The following LHFPL6 variants were observed in gnomAD, a reference collection of about 807,000 sequenced individuals.
LHFPL6 encodes LHFPL tetraspan subfamily member 6 protein.
A neutral mutation model predicts 20.6 loss-of-function variants in LHFPL6; 9 were observed. That is an observed-to-expected ratio of 0.44 (90% CI 0.26 to 0.76). The LOEUF is 0.76. Among genes scored for constraint, LHFPL6 ranks in the 30% least tolerant of loss-of-function variants. The pLI, the probability that LHFPL6 is intolerant of heterozygous loss-of-function variation, is 0.20. For synonymous variants in LHFPL6, 105 were observed against 98.7 expected, an observed-to-expected ratio of 1.06 and a Z score of -0.38; for missense variants, 218 against 253.5, an observed-to-expected ratio of 0.86 and a Z score of 0.95.
At chr13:39,522,353 C>G (rs1210038522) in intron 2 of LHFPL6, among the ~76,000 whole-genome samples, 1 of 152,216 alleles carries the variant, frequency 6.6e-6, no homozygotes, top group Non-Finnish European at 1.5e-5. Flanking sequence ...GATTTAAACT[C>G]GCGTAGTCTG....
At chr13:39,413,597 TTTTTC>T in intron 2 of LHFPL6, among the ~76,000 whole-genome samples, 1 of 38,870 alleles carries the variant, frequency 2.6e-5, no homozygotes, top group East Asian at 4.8e-4. Context: ...TTTTTTTTTT[TTTTTC>T]TTTAAGTAAG....
At chr13:39,507,958 C>CT (rs763140195) in intron 2 of LHFPL6, among the ~76,000 whole-genome samples, 1 of 135,118 alleles carries the variant, frequency 7.4e-6, no homozygotes, top group African/African-American at 2.7e-5. Flanking sequence ...CCTTCCTTCC[C>CT]TTTTTTTCTC....
At position 39,446,604 on chromosome 13, in the gene LHFPL6, G is replaced by A. The variant is rs150369382; in HGVS notation, c.386-68078C>T. Among the ~76,000 whole-genome samples, 8 of 152,106 alleles carry A rather than the reference G, an allele frequency of 5.3e-5. No homozygotes were observed. In the East Asian group the frequency reaches 5.8e-4, roughly 11 times the overall value. ...AATCAACGTCGTATCTGAGGATCTC[G>A]GTGATCCTCATAGCTTCCCTATGAG... On this transcript the variant is annotated intron_variant, in intron 2 of 3. Coordinates refer to ENST00000379589, the MANE Select transcript of LHFPL6 (RefSeq NM_005780.3).
chr13:39,489,853 C>T (rs1294246244), intron 2 of LHFPL6, among the ~76,000 whole-genome samples: 1 of 152,142 alleles, frequency 6.6e-6, no homozygotes, highest in African/African-American at 2.4e-5. Context: ...CCATGCCTGG[C>T]CTGGCTTTTT....
chr13:39,385,559 T>C (rs975577128), intron 2 of LHFPL6, among the ~76,000 whole-genome samples: 6 of 152,246 alleles, frequency 3.9e-5, no homozygotes, highest in Admixed American at 2.0e-4. Context: ...GTAGAAACTC[T>C]TCGATTTCAC....
At chr13:39,497,536 C>A (rs547277259) in intron 2 of LHFPL6, among the ~76,000 whole-genome samples, 1 of 152,264 alleles carries the variant, frequency 6.6e-6, no homozygotes, top group South Asian at 2.1e-4. Context: ...TAAAAACACT[C>A]GGCTAACATT....
chr13:39,391,273 A>G (rs1870702477), intron 2 of LHFPL6, among the ~76,000 whole-genome samples: 1 of 152,194 alleles, frequency 6.6e-6, no homozygotes, highest in Non-Finnish European at 1.5e-5. Context: ...ACCACAGCAA[A>G]CCAAACACCC....
At chr13:39,557,349 T>C (rs931661135) in intron 2 of LHFPL6, among the ~76,000 whole-genome samples, 1 of 152,206 alleles carries the variant, frequency 6.6e-6, no homozygotes, top group African/African-American at 2.4e-5. Flanking sequence ...TGTAGGCCTA[T>C]GGAATGCAAG....
chr13:39,453,956 G>A (rs1049588464), intron 2 of LHFPL6, among the ~76,000 whole-genome samples: 6 of 152,176 alleles, frequency 3.9e-5, no homozygotes, highest in Non-Finnish European at 7.3e-5. Context: ...GGTTTTGAGT[G>A]TATACGTGGA....
Position 39,529,367 on chromosome 13 carries a change from C to T in LHFPL6, c.385+71465G>A, listed in dbSNP as rs1017726097. 9.2e-5 allele frequency among the ~76,000 whole-genome samples: 14 copies of T among 152,168 alleles called. No individual in the cohort carries two copies. In the East Asian group the frequency reaches 2.5e-3, roughly 27 times the overall value. ...TTGGCCTCCCAAAGTGCTGGGATTACAGGCATGAGCCATCACACCTGGCCC... is the reference window on the plus strand; with the variant it reads ...TTGGCCTCCCAAAGTGCTGGGATTATAGGCATGAGCCATCACACCTGGCCC... On this transcript the variant is annotated intron_variant, in intron 2 of 3. Coordinates refer to ENST00000379589, the MANE Select transcript of LHFPL6 (RefSeq NM_005780.3).
chr13:39,580,846 T>C (rs1284744687), intron 2 of LHFPL6, among the ~76,000 whole-genome samples: 1 of 152,244 alleles, frequency 6.6e-6, no homozygotes, highest in Non-Finnish European at 1.5e-5. Context: ...AGGAAACTGA[T>C]GAACAGCAGA....
chr13:39,345,535 A>AAAAAAAAAAAAAAAAAAAAAAAAAAAAAC, intron 3 of LHFPL6, among the ~76,000 whole-genome samples: 1 of 147,472 alleles, frequency 6.8e-6, no homozygotes, highest in Non-Finnish European at 1.5e-5. Context: ...AAAAAAAAAA[A>AAAAAAAAAAAAAAAAAAAAAAAAAAAAAC]AAAAAGAAAG....
At chr13:39,351,172 C>T (rs186381494) in intron 3 of LHFPL6, among the ~76,000 whole-genome samples, 2 of 152,252 alleles carry the variant, frequency 1.3e-5, no homozygotes, top group East Asian at 1.9e-4. Flanking sequence ...GGATATCAGA[C>T]GTTATACTTG....
chr13:39,599,294 G>A (rs902276257), intron 2 of LHFPL6, among the ~76,000 whole-genome samples: 4 of 152,184 alleles, frequency 2.6e-5, no homozygotes, highest in Admixed American at 6.5e-5. Flanking sequence ...ACAAACAGCA[G>A]ACCAACTTTA....
intron 2 of LHFPL6, among the ~76,000 whole-genome samples, chr13:39,413,717 T>C (rs531969303): frequency 5.3e-5 from 8 of 152,056 alleles, no homozygotes; most frequent in South Asian, 2.1e-4. Flanking sequence ...CAAGTGTACA[T>C]ATAAGGTCAG....
At position 39,520,876 on chromosome 13, in the gene LHFPL6, G is replaced by A. The variant is rs535339376; in HGVS notation, c.385+79956C>T. ...AGAATCTCTGGGTGTGGGTCTGGAC[G>A]TTGGTATTTTTCCAGTGCCCAAGGT... On this transcript the variant is annotated intron_variant, in intron 2 of 3. Coordinates refer to ENST00000379589, the MANE Select transcript of LHFPL6 (RefSeq NM_005780.3). 2.5e-4 allele frequency among the ~76,000 whole-genome samples: 38 copies of A among 152,242 alleles called. 1 individual carries two copies. In the South Asian group the frequency reaches 7.3e-3, roughly 29 times the overall value.
At position 39,536,211 on chromosome 13, in the gene LHFPL6, T is replaced by G. The variant is rs890187470; in HGVS notation, c.385+64621A>C. 2.0e-5 allele frequency among the ~76,000 whole-genome samples: 3 copies of G among 152,298 alleles called. No individual in the cohort carries two copies. In the East Asian group the frequency reaches 5.8e-4, roughly 29 times the overall value. Reference sequence around the variant, plus strand: ...AATGTACATTGCAAGGCACCACTCTTTGACATTCAAACACTCTTATTCAAT... The same window carrying G: ...AATGTACATTGCAAGGCACCACTCTGTGACATTCAAACACTCTTATTCAAT... On this transcript the variant is annotated intron_variant, in intron 2 of 3. Coordinates refer to ENST00000379589, the MANE Select transcript of LHFPL6 (RefSeq NM_005780.3).
intron 3 of LHFPL6, among the ~76,000 whole-genome samples, chr13:39,364,390 A>T (rs1241141525): frequency 6.6e-6 from 1 of 152,120 alleles, no homozygotes; most frequent in Non-Finnish European, 1.5e-5. Flanking sequence ...CTTCCTCCTA[A>T]ATTCCACTGA....
intron 2 of LHFPL6, among the ~76,000 whole-genome samples, chr13:39,542,987 ACT>A (rs1171190936): frequency 6.6e-6 from 1 of 152,140 alleles, no homozygotes; most frequent in Non-Finnish European, 1.5e-5. Context: ...CCAAATGGAA[ACT>A]CTGTACCAGT....
Sources: gnomAD v4.1 joint callset for allele counts (sites outside exome capture counted in the v4.1 genomes callset) on GRCh38, gnomAD v4.1.1 for gene constraint, MANE v1.5 for transcripts, NCBI Gene and HGNC (gene_info 2026-07-23, HGNC 2026-07-21) for gene names.